The following HEATR5A variants were observed in gnomAD, a reference collection of about 807,000 sequenced individuals.
The protein encoded by HEATR5A is HEAT repeat containing 5A.
Under a neutral mutation model 218.8 loss-of-function variants are expected in HEATR5A, and 178 were observed. That is an observed-to-expected ratio of 0.81 (90% CI 0.72 to 0.92). The LOEUF is 0.92. Among genes scored for constraint, HEATR5A ranks in the 40% least tolerant of loss-of-function variants. The probability of loss-of-function intolerance (pLI) is 0.00; values close to 1 mark genes in which losing one functional copy is unlikely to be tolerated. For synonymous variants in HEATR5A, 864 were observed against 871.6 expected (o/e 0.99, Z 0.15); for missense variants, 2,420 against 2,418.9 (o/e 1.00, Z -0.01).
chr14:31,333,052 T>C (rs759715070), intron 22 of HEATR5A, among the ~76,000 whole-genome samples: 1 of 151,590 alleles, frequency 6.6e-6, no homozygotes, highest in Non-Finnish European at 1.5e-5. Flanking sequence ...GCCCTACCTC[T>C]CTTTAATTCT....
At chr14:31,300,958 A>C (rs1899350783) in intron 33 of HEATR5A, among the ~76,000 whole-genome samples, 1 of 152,200 alleles carries the variant, frequency 6.6e-6, no homozygotes, top group African/African-American at 2.4e-5. Flanking sequence ...GCGATAATTA[A>C]GACATTACTA....
intron 12 of HEATR5A, among the ~76,000 whole-genome samples, chr14:31,372,672 A>G (rs1032540650): frequency 1.3e-5 from 2 of 152,094 alleles, no homozygotes; most frequent in Non-Finnish European, 2.9e-5. Flanking sequence ...TACTAAAAAT[A>G]CAAAATTAGC....
chr14:31,357,604 C>T (rs867406648), intron 16 of HEATR5A, among the ~76,000 whole-genome samples: 1 of 152,176 alleles, frequency 6.6e-6, no homozygotes, highest in South Asian at 2.1e-4. Flanking sequence ...TGTCCAGTTA[C>T]TAATTAAGAA....
intron 1 of HEATR5A, among the ~76,000 whole-genome samples, chr14:31,419,167 A>G (rs1279666118): frequency 6.6e-5 from 10 of 152,032 alleles, no homozygotes; most frequent in Non-Finnish European, 1.5e-5. Context: ...TTATTCTCCT[A>G]TTCTATAGTC....
intron 34 of HEATR5A, among the ~76,000 whole-genome samples, chr14:31,294,988 C>T (rs1361017417): frequency 2.0e-5 from 3 of 152,084 alleles, no homozygotes; most frequent in African/African-American, 7.2e-5. Flanking sequence ...AATGACTATA[C>T]ATCAAAGATA....
intron 21 of HEATR5A, 101 bp from the exon 22 acceptor site, chr14:31,337,715 C>T (rs1566759681): frequency 2.2e-6 from 2 of 927,506 alleles, no homozygotes; most frequent in Non-Finnish European, 3.2e-6. Context: ...CTGTCCAGCC[C>T]ATCAGTGGGC....
At chr14:31,395,116 A>C (rs1022115692) in intron 5 of HEATR5A, 83 bp downstream of exon 5, 17 of 878,920 alleles carry the variant, frequency 1.9e-5, no homozygotes, top group Non-Finnish European at 2.6e-5. Flanking sequence ...AAGATCATGT[A>C]GCTTTTACTA....
At chr14:31,351,513 A>G (rs1052165508) in intron 16 of HEATR5A, among the ~76,000 whole-genome samples, 37 of 152,170 alleles carry the variant, frequency 2.4e-4, no homozygotes, top group Middle Eastern at 3.4e-3. Flanking sequence ...AGAAAGAAAA[A>G]AAAAAAAACA....
At chr14:31,388,670 T>TC (rs1177908725) in intron 7 of HEATR5A, among the ~76,000 whole-genome samples, 175 bp downstream of exon 7, 4 of 152,226 alleles carry the variant, frequency 2.6e-5, no homozygotes, top group Non-Finnish European at 4.4e-5. Flanking sequence ...AATAAGGTCC[T>TC]CTTACTTGCA....
chr14:31,413,389 T>G (rs1169256883), intron 1 of HEATR5A, among the ~76,000 whole-genome samples: 1 of 151,404 alleles, frequency 6.6e-6, no homozygotes, highest in African/African-American at 2.4e-5. Context: ...TGCCTTCTTT[T>G]TTTTTTTTTT....
In HEATR5A at chr14:31,383,777, A is replaced by G. The variant is rs1185578736; in HGVS notation, c.1346-6T>C. On this transcript the variant is annotated splice_region_variant and splice_polypyrimidine_tract_variant and intron_variant, in intron 9 of 35. Transcript: ENST00000543095. The stretch of plus-strand genomic sequence containing the variant: ...CAAGATACTGTCAAGGAGACCTGGA[A>G]GGATAAACAAATGATGACTTAGGTA... 1 of 1,610,584 alleles carries G rather than the reference A, an allele frequency of 6.2e-7. No homozygotes were observed. Among genetic ancestry groups the G allele is most frequent in the East Asian group, 2.2e-5 (1 of 44,836 alleles).
chr14:31,312,610 A>G (rs1305981531), intron 28 of HEATR5A, among the ~76,000 whole-genome samples: 1 of 152,094 alleles, frequency 6.6e-6, no homozygotes, highest in Non-Finnish European at 1.5e-5. Flanking sequence ...ATGGGGTTTC[A>G]CCATGTTGGC....
At chr14:31,307,515 A>G (rs1188928305) in intron 30 of HEATR5A, among the ~76,000 whole-genome samples, 1 of 152,172 alleles carries the variant, frequency 6.6e-6, no homozygotes, top group Non-Finnish European at 1.5e-5. Context: ...AACTACATGA[A>G]CCCATTAGAT....
intron 25 of HEATR5A, among the ~76,000 whole-genome samples, chr14:31,318,756 G>T (rs1269156327): frequency 6.6e-6 from 1 of 152,178 alleles, no homozygotes; most frequent in African/African-American, 2.4e-5. Context: ...CAAAGTGCTG[G>T]GATTACAGGT....
At chr14:31,408,436 A>G (rs1407038406) in intron 1 of HEATR5A, among the ~76,000 whole-genome samples, 1 of 152,204 alleles carries the variant, frequency 6.6e-6, no homozygotes, top group African/African-American at 2.4e-5. Context: ...ACTTCAAAGA[A>G]ATCCTGAGAA....
intron 1 of HEATR5A, among the ~76,000 whole-genome samples, chr14:31,419,832 C>T (rs1379549207): frequency 1.3e-5 from 2 of 152,236 alleles, no homozygotes; most frequent in Non-Finnish European, 2.9e-5. Context: ...GAAAATGTTT[C>T]CTCACACTAA....
At chr14:31,366,330 A>G (rs1458251545) in intron 13 of HEATR5A, among the ~76,000 whole-genome samples, 2 of 152,218 alleles carry the variant, frequency 1.3e-5, no homozygotes, top group African/African-American at 2.4e-5. Context: ...AAATTTAAGA[A>G]TAAATCTACT....
Position 31,293,953 on chromosome 14 carries a change from T to A in HEATR5A, c.5771A>T (p.Glu1924Val), listed in dbSNP as rs1235752878. ...KRKPENTAELEIFQEGIKVLE... is the reference protein window; with the variant it reads ...KRKPENTAELVIFQEGIKVLE... ...GACCTTTATGCCTTCTTGGAAGATC[T>A]CAAGCTCAGCAGTGTTTTCAGGTTT... The change falls in exon 35 of 36, where the codon GAG (glutamate) becomes GTG (valine). Residue 1924 changes from glutamate to valine, a missense_variant. By Grantham distance (121) the Glu-to-Val change is moderately radical (BLOSUM62 -2). Transcript: ENST00000543095. The A allele has an allele frequency of 6.2e-7, 1 of 1,608,276 alleles. No homozygotes were observed. The highest frequency in any genetic ancestry group is 8.5e-7 in the Non-Finnish European group (1 of 1,177,190).
At position 31,306,798 on chromosome 14, in the gene HEATR5A, C is replaced by T. The variant is rs763584258; in HGVS notation, c.4900G>A (p.Glu1634Lys). The T allele has an allele frequency of 9.3e-6, 15 of 1,613,618 alleles. No homozygotes were observed. In the Admixed American group the frequency reaches 2.5e-4, roughly 27 times the overall value. Residue 1634 changes from glutamate to lysine, a missense_variant, in exon 31 of 36, where the codon GAA becomes AAA. Coordinates refer to ENST00000543095, the MANE Select transcript of HEATR5A (RefSeq NM_015473.4). The part of the protein sequence containing the change: ...ESPSIQLASL[E>K]VVRQIICAAQ... ...GCACAGATAATCTGCCTTACCACTT[C>T]AAGTGAAGCCAACTGAATGGAAGGT... is the stretch of plus-strand genomic sequence containing the variant.
Sources: allele counts gnomAD v4.1 joint callset (sites outside exome capture counted in the v4.1 genomes callset), GRCh38; gene constraint gnomAD v4.1.1; transcripts MANE v1.5; gene names NCBI Gene and HGNC (gene_info 2026-07-23, HGNC 2026-07-21).